The following PTPRD variants were observed in gnomAD, a reference collection of about 807,000 sequenced individuals.
The protein encoded by PTPRD is protein tyrosine phosphatase receptor type D.
In PTPRD, 34 loss-of-function variants were observed where a neutral mutation model predicts 214.5. That is an observed-to-expected ratio of 0.16 (90% CI 0.12 to 0.21). The LOEUF (loss-of-function observed/expected upper bound fraction) is 0.21. Among genes scored for constraint, PTPRD ranks in the 10% least tolerant of loss-of-function variants. The pLI, the probability that PTPRD is intolerant of heterozygous loss-of-function variation, is 1.00. For missense variants in PTPRD, 2,545 were observed against 2,398.7 expected (o/e 1.06, Z -1.27); for synonymous variants, 1,128 against 845.7 (o/e 1.33, Z -5.79).
chr9:8,853,527 T>C (rs774627034), intron 11 of PTPRD, among the ~76,000 whole-genome samples: 43 of 152,310 alleles, frequency 2.8e-4, no homozygotes, highest in African/African-American at 7.9e-4. Context: ...ATTACCCATA[T>C]AGAAAATGTA....
chr9:9,361,087 T>G (rs1221533177), intron 9 of PTPRD, among the ~76,000 whole-genome samples: 1 of 151,206 alleles, frequency 6.6e-6, no homozygotes, highest in African/African-American at 2.4e-5. Flanking sequence ...AGAATACAGC[T>G]AATCATGTCA....
chr9:10,252,877 G>A (rs897397926), intron 3 of PTPRD, among the ~76,000 whole-genome samples: 19 of 151,882 alleles, frequency 1.3e-4, no homozygotes, highest in Non-Finnish European at 1.9e-4. Context: ...TCCGCCTCCC[G>A]GGTTCAAGAG....
In PTPRD at chr9:8,568,884, C is replaced by A. The variant is rs908495182; in HGVS notation, c.353-40105G>T. ...AAGTAAATATGGTAATACTCAGTTG[C>A]CCACCTATGAGCTTTTGTGTGTCAT... On this transcript the variant is annotated intron_variant, in intron 14 of 45. Transcript: ENST00000381196. 5.9e-5 allele frequency among the ~76,000 whole-genome samples: 9 copies of A among 151,822 alleles called. No homozygotes were observed. The South Asian group carries it at 8.3e-4, about 14-fold the overall frequency.
At chr9:9,744,011 C>A in intron 6 of PTPRD, among the ~76,000 whole-genome samples, 1 of 152,070 alleles carries the variant, frequency 6.6e-6, no homozygotes, top group East Asian at 1.9e-4. Flanking sequence ...TGGGCAGCAT[C>A]TTGATGACGT....
chr9:10,482,872 G>C (rs779685228), intron 2 of PTPRD, among the ~76,000 whole-genome samples: 44 of 152,236 alleles, frequency 2.9e-4, no homozygotes, highest in Non-Finnish European at 5.1e-4. Flanking sequence ...AAAAGCAATT[G>C]ACAGATTGAA....
rs1566393793 is a variant in PTPRD at position 10,482,148 on chromosome 9, A to ACT, written c.-600+130249_-600+130250insAG. Among the ~76,000 whole-genome samples, 12 of 152,082 alleles carry ACT rather than the reference A, an allele frequency of 7.9e-5. No individual in the cohort carries two copies. The East Asian group carries it at 1.7e-3, about 22-fold the overall frequency. On this transcript the variant is annotated intron_variant, in intron 2 of 45. Coordinates refer to ENST00000381196, the MANE Select transcript of PTPRD (RefSeq NM_002839.4). Reference sequence around the variant, plus strand: ...GCATTTTGGGAGGCCCAGGCGGGAGAATCACGAGGTCAGGAGATTGAGACC... The same window carrying ACT: ...GCATTTTGGGAGGCCCAGGCGGGAGACTATCACGAGGTCAGGAGATTGAGACC...
chr9:9,428,547 G>A (rs1423578189), intron 8 of PTPRD, among the ~76,000 whole-genome samples: 1 of 152,182 alleles, frequency 6.6e-6, no homozygotes, highest in Admixed American at 6.5e-5. Context: ...TCTGCACCAA[G>A]TGGACTTAAT....
At chr9:8,419,155 A>C (rs2094170640) in intron 35 of PTPRD, among the ~76,000 whole-genome samples, 1 of 151,512 alleles carries the variant, frequency 6.6e-6, no homozygotes, top group African/African-American at 2.4e-5. Context: ...CAGGAGTTCA[A>C]TGTCGCAGTG....
rs556979019 is a variant in PTPRD, at chr9:9,540,636, A to T, written c.-237+34096T>A. Among the ~76,000 whole-genome samples, 11 of 151,948 alleles carry T rather than the reference A, an allele frequency of 7.2e-5. No individual in the cohort carries two copies. The South Asian group carries it at 1.7e-3, about 23-fold the overall frequency. ...GAGACTTCCAGATGGATTATTTTTT[A>T]AAATCCTGTGGTAAAAAATATGTTT... On this transcript the variant is annotated intron_variant, in intron 8 of 45. Coordinates refer to ENST00000381196, the MANE Select transcript of PTPRD (RefSeq NM_002839.4).
intron 2 of PTPRD, among the ~76,000 whole-genome samples, chr9:10,567,302 G>A (rs7854930): frequency 1.3e-5 from 2 of 151,834 alleles, no homozygotes; most frequent in East Asian, 1.9e-4. Flanking sequence ...TGTGTTTCAA[G>A]GAAAAAATCT....
intron 22 of PTPRD, among the ~76,000 whole-genome samples, chr9:8,506,291 A>G (rs138899646): frequency 6.6e-6 from 1 of 152,316 alleles, no homozygotes; most frequent in African/African-American, 2.4e-5. Context: ...AATAAAATGA[A>G]TATATGTGTG....
intron 11 of PTPRD, among the ~76,000 whole-genome samples, chr9:8,894,318 G>A (rs2098581353): frequency 1.0e-5 from 1 of 95,430 alleles, no homozygotes; most frequent in African/African-American, 3.0e-5. Context: ...TCACCCCACT[G>A]CATTCTAGCT....
At chr9:8,788,253 ATTTTTT>A (rs776984034) in intron 11 of PTPRD, among the ~76,000 whole-genome samples, 5 of 85,264 alleles carry the variant, frequency 5.9e-5, no homozygotes, top group African/African-American at 2.7e-4. Context: ...ATATAAGATG[ATTTTTT>A]TTTTTTTTTT....
At chr9:8,696,775 C>A (rs997987944) in intron 12 of PTPRD, among the ~76,000 whole-genome samples, 6 of 152,110 alleles carry the variant, frequency 3.9e-5, no homozygotes, top group African/African-American at 9.7e-5. Flanking sequence ...TACTTCATTC[C>A]AAGTTAAATT....
chr9:8,579,111 C>T (rs1594376241), intron 14 of PTPRD, among the ~76,000 whole-genome samples: 1 of 152,086 alleles, frequency 6.6e-6, no homozygotes, highest in Non-Finnish European at 1.5e-5. Flanking sequence ...AGCAAAGAAA[C>T]AGGGAGAATA....
At chr9:10,048,418 T>C (rs932615100) in intron 3 of PTPRD, among the ~76,000 whole-genome samples, 3 of 152,170 alleles carry the variant, frequency 2.0e-5, no homozygotes, top group Admixed American at 2.0e-4. Flanking sequence ...TGCTGGGTAC[T>C]GGCTTCTTAT....
At chr9:9,445,034 A>C (rs1569568386) in intron 8 of PTPRD, among the ~76,000 whole-genome samples, 1 of 152,174 alleles carries the variant, frequency 6.6e-6, no homozygotes, top group African/African-American at 2.4e-5. Context: ...AAAATGAGTG[A>C]GCAACAAACA....
chr9:8,906,306 C>T (rs2154256070), intron 11 of PTPRD, among the ~76,000 whole-genome samples: 1 of 152,260 alleles, frequency 6.6e-6, no homozygotes, highest in Middle Eastern at 3.4e-3. Flanking sequence ...CAAATTAACT[C>T]TACCTTGTTC....
Position 8,521,412 on chromosome 9 carries a change from G to A in PTPRD, c.826C>T (p.Leu276=), listed in dbSNP as rs2097888077. Residue 276 remains leucine (L), a synonymous_variant, in exon 20 of 46, where the codon CTG becomes TTG. Transcript: ENST00000381196. ...YVKWMLGAED[L]TPEDDMPIGR... is the part of the protein sequence containing the mutation. Reference sequence around the variant, plus strand: ...ATTGGCATATCATCTTCAGGTGTCAGATCTTCTGCCCCCAACATCCACTTT... The same window carrying A: ...ATTGGCATATCATCTTCAGGTGTCAAATCTTCTGCCCCCAACATCCACTTT... 1.9e-6 allele frequency: 3 copies of A among 1,614,008 alleles called. No individual in the cohort carries two copies. Among genetic ancestry groups the A allele is most frequent in the South Asian group, 1.1e-5 (1 of 91,080 alleles).
Sources: allele counts gnomAD v4.1 joint callset (sites outside exome capture counted in the v4.1 genomes callset), GRCh38; gene constraint gnomAD v4.1.1; transcripts MANE v1.5; gene names NCBI Gene and HGNC (gene_info 2026-07-23, HGNC 2026-07-21).